The following CCDC88A variants were observed in gnomAD, a reference collection of about 807,000 sequenced individuals.
CCDC88A encodes the protein coiled-coil and HOOK domain protein 88A.
CCDC88A carries 54 observed loss-of-function variants against 234.3 expected under a neutral mutation model. The observed-to-expected ratio is 0.23, with a 90% CI of 0.19 to 0.29. CCDC88A has a LOEUF of 0.29. Among genes scored for constraint, CCDC88A ranks in the 10% least tolerant of loss-of-function variants. The pLI is 1.00. For missense variants in CCDC88A, 1,832 were observed against 2,123.4 expected, an observed-to-expected ratio of 0.86 and a Z score of 2.70; for synonymous variants, 753 against 737.8, an observed-to-expected ratio of 1.02 and a Z score of -0.33.
chr2:55,295,085 C>T, intron 31 of CCDC88A: 1 of 1,301,868 alleles, frequency 7.7e-7, no homozygotes, highest in South Asian at 1.2e-5. Context: ...CATATTCATA[C>T]CAAACAGTTT....
intron 3 of CCDC88A, among the ~76,000 whole-genome samples, chr2:55,385,561 AAGAC>A (rs1675435567): frequency 6.6e-6 from 1 of 152,172 alleles, no homozygotes; most frequent in Non-Finnish European, 1.5e-5. Context: ...TGAAAGAAAA[AAGAC>A]AGTCTAGCCG....
In CCDC88A at chr2:55,371,097, A is replaced by G. The variant is rs1241123571; in HGVS notation, c.402+1355T>C. 2.0e-5 allele frequency among the ~76,000 whole-genome samples: 3 copies of G among 152,174 alleles called. No individual in the cohort carries two copies. In the East Asian group the frequency reaches 5.8e-4, roughly 29 times the overall value. Reference sequence around the variant, plus strand: ...CAAGCAATAACCAGCAATAAAAACCATATTTATGCTATTGCTATGTAATCT... The same window carrying G: ...CAAGCAATAACCAGCAATAAAAACCGTATTTATGCTATTGCTATGTAATCT... On this transcript the variant is annotated intron_variant, in intron 5 of 32. Coordinates refer to ENST00000436346, the MANE Select transcript of CCDC88A (RefSeq NM_001365480.1).
chr2:55,289,385 A>G lies in CCDC88A; in HGVS notation c.*1815T>C, dbSNP rs974741108. On this transcript the variant is annotated 3_prime_UTR_variant, in exon 33 of 33. Transcript: ENST00000436346. Reference sequence around the variant, plus strand: ...TAAAAATGAATGTACATTTTTTGACATGCAATTGTCTCTAGACTGCTCTGA... The same window carrying G: ...TAAAAATGAATGTACATTTTTTGACGTGCAATTGTCTCTAGACTGCTCTGA... The G allele has an allele frequency of 1.3e-5, 2 of 152,580 alleles. No individual in the cohort carries two copies. The highest frequency in any genetic ancestry group is 1.5e-5 in the Non-Finnish European group (1 of 68,002). The allele number at this position is 152,580 out of a possible 1,614,324, so 9.5% of individuals were successfully genotyped here. A position where few individuals can be genotyped will look rare whatever the true frequency, so the allele number is the denominator to read the frequency against.
At chr2:55,379,517 T>C (rs1674233372) in intron 3 of CCDC88A, among the ~76,000 whole-genome samples, 2 of 152,222 alleles carry the variant, frequency 1.3e-5, no homozygotes, top group South Asian at 4.1e-4. Context: ...TTCTAGACAC[T>C]GAAAATACAG....
intron 2 of CCDC88A, chr2:55,394,429 T>G (rs1677172630): frequency 6.6e-6 from 1 of 152,156 alleles, no homozygotes; most frequent in Non-Finnish European, 1.5e-5. Flanking sequence ...TGATTTATAA[T>G]CCTTTGGATA....
At chr2:55,393,289 G>GTTTTTTTTTTTTTTTTTTTTTTT (rs558827055) in intron 2 of CCDC88A, among the ~76,000 whole-genome samples, 5 of 61,660 alleles carry the variant, frequency 8.1e-5, no homozygotes, top group African/African-American at 1.4e-4. Flanking sequence ...GGTTTTTTGG[G>GTTTTTTTTTTTTTTTTTTTTTTT]TTTTTTTTTT....
chr2:55,326,856 C>A (rs1459705370), intron 17 of CCDC88A, among the ~76,000 whole-genome samples: 1 of 152,206 alleles, frequency 6.6e-6, no homozygotes, highest in African/African-American at 2.4e-5. Flanking sequence ...CAGGCGTGAG[C>A]CACCGCACCC....
chr2:55,376,875 A>G (rs1482830585), intron 3 of CCDC88A, among the ~76,000 whole-genome samples: 1 of 152,196 alleles, frequency 6.6e-6, no homozygotes, highest in South Asian at 2.1e-4. Context: ...TCTGTCACCC[A>G]GGCTGGAGTG....
chr2:55,302,964 T>A (rs931952356), intron 26 of CCDC88A, 105 bp downstream of exon 26: 3 of 793,448 alleles, frequency 3.8e-6, no homozygotes, highest in African/African-American at 1.7e-5. Context: ...GACTGACCTC[T>A]GCAAAATAAG....
At position 55,344,515 on chromosome 2, in the gene CCDC88A, C is replaced by A; in HGVS notation, c.1042-1G>T. 6.8e-7 allele frequency: 1 copy of A among 1,480,510 alleles called. No homozygotes were observed. The highest frequency in any genetic ancestry group is 1.3e-5 in the South Asian group (1 of 76,122). The allele number at this position is 1,480,510 out of a possible 1,614,324, so 91.7% of individuals were successfully genotyped here. ...AAACTTGATTGTCTTCTTTTAATTC[C>A]TATAAATGTTTATCACAAATGTGTT... is the stretch of plus-strand genomic sequence containing the variant. On this transcript the variant is annotated splice_acceptor_variant, in intron 10 of 32. Coordinates refer to ENST00000436346, the MANE Select transcript of CCDC88A (RefSeq NM_001365480.1). LOFTEE classifies it high-confidence loss of function.
intron 13 of CCDC88A, 133 bp from the exon 14 acceptor site, chr2:55,336,951 T>A: frequency 1.8e-6 from 1 of 556,932 alleles, no homozygotes; most frequent in Non-Finnish European, 3.0e-6. Flanking sequence ...AAGAAATTAG[T>A]ATAGAAATTC....
chr2:55,401,470 A>ATATTTGTG (rs367863063), intron 2 of CCDC88A, among the ~76,000 whole-genome samples: 1 of 31,518 alleles, frequency 3.2e-5, no homozygotes, highest in Admixed American at 5.8e-4. Context: ...ATATATACAT[A>ATATTTGTG]TGTGTGTGTA....
intron 2 of CCDC88A, among the ~76,000 whole-genome samples, chr2:55,396,255 T>G (rs1677530599): frequency 6.6e-6 from 1 of 152,204 alleles, no homozygotes; most frequent in African/African-American, 2.4e-5. Context: ...AACAAAAATT[T>G]TAGGTATATT....
In CCDC88A at chr2:55,401,433, C is replaced by CAAAAAAAAAAAA. The variant is rs1418741634; in HGVS notation, c.165-12548_165-12547insTTTTTTTTTTTT. Among the ~76,000 whole-genome samples, 164 of 30,110 alleles carry CAAAAAAAAAAAA rather than the reference C, an allele frequency of 5.4e-3. 37 individuals carry two copies. Among genetic ancestry groups the CAAAAAAAAAAAA allele is most frequent in the African/African-American group, 0.017 (70 of 4,134 alleles). 19.8% of individuals were successfully genotyped at this position (30,110 alleles called of 152,430 possible). On this transcript the variant is annotated intron_variant, in intron 2 of 32. Transcript: ENST00000436346. ...TGGATGACAGAGAAAGACTCTGTCT[C>CAAAAAAAAAAAA]CAAAAAAAAAAAAAATATATATATA...
chr2:55,363,596 A>C (rs1489282841), intron 6 of CCDC88A: 3 of 167,720 alleles, frequency 1.8e-5, no homozygotes, highest in African/African-American at 7.1e-5. Flanking sequence ...GAATAATACT[A>C]AGCTTGTCAT....
intron 7 of CCDC88A, among the ~76,000 whole-genome samples, chr2:55,360,960 G>A (rs1423804661): frequency 6.6e-6 from 1 of 152,078 alleles, no homozygotes; most frequent in African/African-American, 2.4e-5. Context: ...GTGGTGGCGC[G>A]TGCCTGTAAT....
chr2:55,388,856 AT>A lies in CCDC88A; in HGVS notation c.194del (p.Asn65IlefsTer19). The A allele has an allele frequency of 6.7e-7, 1 of 1,503,708 alleles. No individual in the cohort carries two copies. Among genetic ancestry groups the A allele is most frequent in the Non-Finnish European group, 9.1e-7 (1 of 1,096,778 alleles). 93.1% of individuals were successfully genotyped at this position (1,503,708 alleles called of 1,614,324 possible). ...GTGAGGCATCATTATTGACTTTTTT[AT>A]TTACTCTCTGACTCTCCAATTTAGG... is the stretch of plus-strand genomic sequence containing the variant. ...INPKLESQRV[N>X]KKVNNDASLR... On this transcript the variant is annotated frameshift_variant, in exon 3 of 33. Coordinates refer to ENST00000436346, the MANE Select transcript of CCDC88A (RefSeq NM_001365480.1). LOFTEE classifies it high-confidence loss of function.
Position 55,416,564 on chromosome 2 carries a change from C to T in CCDC88A, c.164+2252G>A, listed in dbSNP as rs562856642. Among the ~76,000 whole-genome samples the T allele has an allele frequency of 1.4e-4, 21 of 146,222 alleles. No homozygotes were observed. In the East Asian group the frequency reaches 4.2e-3, roughly 29 times the overall value. The stretch of plus-strand genomic sequence containing the variant: ...AAACTATAAACCCACAGATCCAAGA[C>T]ACTCATTGAATTCCAAGCACAAGAA... On this transcript the variant is annotated intron_variant, in intron 2 of 32. Coordinates refer to ENST00000436346, the MANE Select transcript of CCDC88A (RefSeq NM_001365480.1).
intron 5 of CCDC88A, among the ~76,000 whole-genome samples, chr2:55,365,678 A>G (rs1671846806): frequency 6.6e-6 from 1 of 152,192 alleles, no homozygotes; most frequent in Non-Finnish European, 1.5e-5. Flanking sequence ...ACCTTAATTT[A>G]ACTCTTAGAA....
Sources: gnomAD v4.1 joint callset for allele counts (sites outside exome capture counted in the v4.1 genomes callset) on GRCh38, gnomAD v4.1.1 for gene constraint, MANE v1.5 for transcripts, NCBI Gene and HGNC (gene_info 2026-07-23, HGNC 2026-07-21) for gene names.